The following ZNF395 variants were observed in gnomAD, a reference collection of about 807,000 sequenced individuals.
ZNF395 encodes zinc finger protein 395, also known as HD gene regulatory region-binding protein 2.
A neutral mutation model predicts 57.7 loss-of-function variants in ZNF395; 20 were observed. That is an observed-to-expected ratio of 0.35 (90% CI 0.24 to 0.50). ZNF395 has a LOEUF of 0.50. ZNF395 is among the 20% of genes least tolerant of loss of function. ZNF395 has a pLI of 0.97. For synonymous variants in ZNF395, 295 were observed against 275.9 expected (o/e 1.07, Z -0.69); for missense variants, 606 against 671.2 (o/e 0.90, Z 1.07).
At chr8:28,369,137 ATTT>A (rs571228550) in intron 1 of ZNF395, among the ~76,000 whole-genome samples, 5 of 136,732 alleles carry the variant, frequency 3.7e-5, no homozygotes, top group Non-Finnish European at 3.2e-5. Flanking sequence ...TGCCTGGCCA[ATTT>A]TTTTTTTTTT....
chr8:28,357,393 G>A (rs1460308810), intron 3 of ZNF395, among the ~76,000 whole-genome samples: 1 of 152,084 alleles, frequency 6.6e-6, no homozygotes, highest in Non-Finnish European at 1.5e-5. Flanking sequence ...CCCAATGCAA[G>A]TGTCCATGCT....
rs1801628348 is a variant in ZNF395 at position 28,347,983 on chromosome 8, G to T, written c.*736C>A. The T allele has an allele frequency of 6.6e-6, 1 of 152,172 alleles. No homozygotes were observed. The highest frequency in any genetic ancestry group is 2.4e-5 in the African/African-American group (1 of 41,432). The allele number at this position is 152,172 out of a possible 1,614,324, so 9.4% of individuals were successfully genotyped here. A position where few individuals can be genotyped will look rare whatever the true frequency, so the allele number is the denominator to read the frequency against. ...GTGTTTAACTGCCACATTCCAAAAA[G>T]TGAATTCTGATCAGCCTTTTGGCTC... On this transcript the variant is annotated 3_prime_UTR_variant, in exon 10 of 10. Transcript: ENST00000344423.
chr8:28,349,799 GTGA>G (rs2129936532), intron 8 of ZNF395, among the ~76,000 whole-genome samples: 1 of 152,352 alleles, frequency 6.6e-6, no homozygotes, highest in South Asian at 2.1e-4. Context: ...GCCTCGCCTG[GTGA>G]TTTTCTTGGC....
intron 1 of ZNF395, among the ~76,000 whole-genome samples, chr8:28,368,216 G>A (rs139319680): frequency 1.3e-3 from 200 of 152,262 alleles, no homozygotes; most frequent in African/African-American, 4.7e-3. Flanking sequence ...TCCCTGGGGA[G>A]AACAAGCCTC....
chr8:28,348,887 T>A, intron 9 of ZNF395, 57 bp from the exon 10 acceptor site: 1 of 1,559,010 alleles, frequency 6.4e-7, no homozygotes, highest in South Asian at 1.1e-5. Context: ...CCCAGGAGAG[T>A]GGCCAAGTGG....
intron 1 of ZNF395, 143 bp from the exon 2 acceptor site, chr8:28,361,325 C>A (rs745483969): frequency 2.8e-6 from 2 of 723,180 alleles, no homozygotes; most frequent in East Asian, 5.7e-5. Flanking sequence ...GTAGGACAAT[C>A]GGAAAAGCAA....
rs1194614397 is a variant in ZNF395 at position 28,356,371 on chromosome 8, A to G, written c.583+299T>C. Among the ~76,000 whole-genome samples the G allele has an allele frequency of 2.0e-5, 3 of 152,210 alleles. No homozygotes were observed. The highest frequency in any genetic ancestry group is 1.9e-4 in the East Asian group (1 of 5,202). ...CTATTGGCCTCATTCAGACCCCACC[A>G]AAGTGCTGGGCTCAGCCACTCCCAT... On this transcript the variant is annotated intron_variant, in intron 4 of 9. Coordinates refer to ENST00000344423, the MANE Select transcript of ZNF395 (RefSeq NM_018660.3). This position sits in a 1 kb window ranked among gnomAD's most constrained non-coding sequence, Gnocchi z 4.0.
At chr8:28,370,312 A>T (rs1801962060) in intron 1 of ZNF395, among the ~76,000 whole-genome samples, 1 of 152,228 alleles carries the variant, frequency 6.6e-6, no homozygotes. Context: ...ATCGGGGAAG[A>T]TTTAAATACA....
Position 28,346,572 on chromosome 8 carries a change from T to G in ZNF395, c.*2147A>C, listed in dbSNP as rs1801603999. On this transcript the variant is annotated 3_prime_UTR_variant, in exon 10 of 10. Coordinates refer to ENST00000344423, the MANE Select transcript of ZNF395 (RefSeq NM_018660.3). ...CCCTTTATTCCTCTCTTTCCTGCCC[T>G]GTATACCAACGGCATAAGAAGCCTG... 1 of 152,284 alleles carries G rather than the reference T, an allele frequency of 6.6e-6. No homozygotes were observed. Among genetic ancestry groups the G allele is most frequent in the African/African-American group, 2.4e-5 (1 of 41,436 alleles). 9.4% of individuals were successfully genotyped at this position (152,284 alleles called of 1,614,324 possible).
chr8:28,372,496 A>T (rs1441533475), intron 1 of ZNF395, among the ~76,000 whole-genome samples: 1 of 152,234 alleles, frequency 6.6e-6, no homozygotes, highest in East Asian at 1.9e-4. Context: ...GTAAGAAAAA[A>T]ATGAAAACCA....
At position 28,352,118 on chromosome 8, in the gene ZNF395, C is replaced by T. The variant is rs1801722133; in HGVS notation, c.921-311G>A. ...TCTCTGGGCCCCACCTGCCTGCAGT[C>T]ACGCTTTCTCCCCCAGGGCCATGAG... is the stretch of plus-strand genomic sequence containing the variant. On this transcript the variant is annotated intron_variant, in intron 6 of 9. Transcript: ENST00000344423. This position sits in a 1 kb window ranked among gnomAD's most constrained non-coding sequence, Gnocchi z 4.0. Among the ~76,000 whole-genome samples the T allele has an allele frequency of 6.6e-6, 1 of 152,234 alleles. No individual in the cohort carries two copies. Among genetic ancestry groups the T allele is most frequent in the East Asian group, 1.9e-4 (1 of 5,196 alleles).
chr8:28,350,673 G>A (rs747523325), intron 7 of ZNF395, among the ~76,000 whole-genome samples: 2 of 152,196 alleles, frequency 1.3e-5, no homozygotes, highest in South Asian at 2.1e-4. Context: ...ACATGAAATC[G>A]CTAAGCGGCC....
chr8:28,372,966 C>A (rs1801995019), intron 1 of ZNF395, among the ~76,000 whole-genome samples: 1 of 152,030 alleles, frequency 6.6e-6, no homozygotes, highest in African/African-American at 2.4e-5. Context: ...AACTTGGTCA[C>A]CAAATATTGA....
chr8:28,364,524 TGCACTTGTAAGCGCA>T (rs1801886817), intron 1 of ZNF395, among the ~76,000 whole-genome samples: 2 of 152,066 alleles, frequency 1.3e-5, no homozygotes, highest in African/African-American at 4.8e-5. Context: ...TGTGGTGGCG[TGCACTTGTAAGCGCA>T]GCTACTTGGG....
At chr8:28,362,271 G>A (rs1469657923) in intron 1 of ZNF395, among the ~76,000 whole-genome samples, 1 of 152,158 alleles carries the variant, frequency 6.6e-6, no homozygotes, top group East Asian at 1.9e-4. Context: ...AGTGCTCCCA[G>A]GCCTGACCCG....
rs185237180 is a variant in ZNF395, at chr8:28,361,259, C to A, written c.-58-77G>T. 4.1e-6 allele frequency: 5 copies of A among 1,220,298 alleles called. No individual in the cohort carries two copies. In the African/African-American group the frequency reaches 4.5e-5, roughly 11 times the overall value. The allele number at this position is 1,220,298 out of a possible 1,614,324, so 75.6% of individuals were successfully genotyped here. A position where few individuals can be genotyped will look rare whatever the true frequency, so the allele number is the denominator to read the frequency against. The stretch of plus-strand genomic sequence containing the variant: ...GAAGGGTCTACTAAAATAAGTGAAC[C>A]CTTTAAAGTCAACTTCTAGCATCCT... On this transcript the variant is annotated intron_variant, in intron 1 of 9. Coordinates refer to ENST00000344423, the MANE Select transcript of ZNF395 (RefSeq NM_018660.3).
chr8:28,368,358 T>C (rs748367984), intron 1 of ZNF395: 1 of 152,286 alleles, frequency 6.6e-6, no homozygotes, highest in African/African-American at 2.4e-5. Flanking sequence ...GGGGCTTCTC[T>C]TCTTTCCCAA....
intron 1 of ZNF395, among the ~76,000 whole-genome samples, chr8:28,376,447 T>C (rs1802041431): frequency 6.6e-6 from 1 of 151,846 alleles, no homozygotes; most frequent in Non-Finnish European, 1.5e-5. Flanking sequence ...TGAAACCCCA[T>C]CTCCACTAAA....
chr8:28,384,098 C>T (rs1027432825), intron 1 of ZNF395, among the ~76,000 whole-genome samples: 1 of 152,158 alleles, frequency 6.6e-6, no homozygotes, highest in African/African-American at 2.4e-5. Flanking sequence ...CTCTGGCCAC[C>T]CTGCAACTCC....
Sources: gnomAD v4.1 joint callset for allele counts (sites outside exome capture counted in the v4.1 genomes callset) on GRCh38, gnomAD v4.1.1 for gene constraint, Gnocchi (gnomAD v3.1) non-coding constraint, MANE v1.5 for transcripts, NCBI Gene and HGNC (gene_info 2026-07-23, HGNC 2026-07-21) for gene names.